The following SLC15A2 variants were observed in gnomAD, a reference collection of about 807,000 sequenced individuals.
SLC15A2 encodes the protein kidney H(+)/peptide cotransporter.
SLC15A2 carries 77 observed loss-of-function variants against 95.5 expected under a neutral mutation model. The observed-to-expected ratio is 0.81, with a 90% CI of 0.67 to 0.97. The LOEUF is 0.97. Among genes scored for constraint, SLC15A2 ranks in the 50% least tolerant of loss-of-function variants. The pLI, the probability that SLC15A2 is intolerant of heterozygous loss-of-function variation, is 0.00. For synonymous variants in SLC15A2, 306 were observed against 306.9 expected (o/e 1.00, Z 0.03); for missense variants, 893 against 874.4 (o/e 1.02, Z -0.27).
chr3:121,922,483 A>G (rs534387430), intron 8 of SLC15A2, among the ~76,000 whole-genome samples, 181 bp downstream of exon 8: 1 of 47,770 alleles, frequency 2.1e-5, no homozygotes, highest in Non-Finnish European at 5.0e-5. Context: ...CCATTAAGTT[A>G]AAAAAAGTAA....
chr3:121,929,012 A>G lies in SLC15A2; in HGVS notation c.1372A>G (p.Lys458Glu). Residue 458 changes from lysine (K) to glutamate (E), a missense_variant, in exon 16 of 22, where the codon AAA (lysine) becomes GAA (glutamate). Lys to Glu is a moderately conservative substitution (Grantham distance 56). Coordinates refer to ENST00000489711, the MANE Select transcript of SLC15A2 (RefSeq NM_021082.4). Reference sequence around the variant, plus strand: ...ACCACACTATTCCAAACTGCACCTGAAAACAAAAAGCCAGGATTTTCACTT... The same window carrying G: ...ACCACACTATTCCAAACTGCACCTGGAAACAAAAAGCCAGGATTTTCACTT... ...KTPHYSKLHL[K>E]TKSQDFHFHL... The G allele has an allele frequency of 6.2e-7, 1 of 1,614,152 alleles. No individual in the cohort carries two copies. Among genetic ancestry groups the G allele is most frequent in the Admixed American group, 1.7e-5 (1 of 60,020 alleles).
chr3:121,896,677 A>G (rs1046322839), intron 2 of SLC15A2, among the ~76,000 whole-genome samples, 184 bp downstream of exon 2: 1 of 152,058 alleles, frequency 6.6e-6, no homozygotes, highest in African/African-American at 2.4e-5. Context: ...CCTAATATGT[A>G]GGCCAAGATC....
chr3:121,934,410 C>G (rs1710296858), intron 19 of SLC15A2, among the ~76,000 whole-genome samples: 1 of 151,906 alleles, frequency 6.6e-6, no homozygotes, highest in Admixed American at 6.6e-5. Flanking sequence ...GAATGTTCTT[C>G]CATTTGTTTG....
chr3:121,906,338 G>C (rs187675339), intron 3 of SLC15A2, among the ~76,000 whole-genome samples: 6 of 152,054 alleles, frequency 3.9e-5, no homozygotes, highest in Non-Finnish European at 7.4e-5. Context: ...TCTTTTAATT[G>C]GGGCATTCAG....
intron 13 of SLC15A2, among the ~76,000 whole-genome samples, chr3:121,926,277 G>C (rs1046323714): frequency 3.9e-5 from 6 of 152,156 alleles, no homozygotes; most frequent in Admixed American, 6.5e-5. Context: ...GGGTCTGGTG[G>C]GAGGTAGTCG....
In SLC15A2 at chr3:121,941,657, C is replaced by T. The variant is rs1004309059; in HGVS notation, c.*650C>T. 2 of 152,196 alleles carry T rather than the reference C, an allele frequency of 1.3e-5. No individual in the cohort carries two copies. Among genetic ancestry groups the T allele is most frequent in the African/African-American group, 4.8e-5 (2 of 41,444 alleles). The allele number at this position is 152,196 out of a possible 1,614,324, so 9.4% of individuals were successfully genotyped here. ...TATTTTATTTACTTATCCAAACCCTCCTTTCTCAGTATGGATAGATCATGG... is the reference window on the plus strand; with the variant it reads ...TATTTTATTTACTTATCCAAACCCTTCTTTCTCAGTATGGATAGATCATGG... On this transcript the variant is annotated 3_prime_UTR_variant, in exon 22 of 22. Transcript: ENST00000489711.
intron 1 of SLC15A2, among the ~76,000 whole-genome samples, chr3:121,895,105 C>G (rs1025105585): frequency 2.0e-5 from 3 of 152,200 alleles, no homozygotes; most frequent in Non-Finnish European, 4.4e-5. Flanking sequence ...CACTTCTAAA[C>G]TCATCATCTC....
intron 3 of SLC15A2, among the ~76,000 whole-genome samples, chr3:121,909,092 G>T (rs1012339206): frequency 6.6e-6 from 1 of 151,746 alleles, no homozygotes; most frequent in Non-Finnish European, 1.5e-5. Context: ...ATGGAGTCTT[G>T]CTCTGTCTCC....
At chr3:121,931,378 T>A (rs529635139) in intron 18 of SLC15A2, among the ~76,000 whole-genome samples, 1 of 152,240 alleles carries the variant, frequency 6.6e-6, no homozygotes, top group Non-Finnish European at 1.5e-5. Context: ...GTACTTAAGT[T>A]AACAAAAGAA....
intron 19 of SLC15A2, among the ~76,000 whole-genome samples, chr3:121,936,420 G>C (rs932020417): frequency 2.0e-5 from 3 of 152,088 alleles, no homozygotes; most frequent in South Asian, 2.1e-4. Flanking sequence ...GTGGGTCACT[G>C]AGGACTTGCT....
intron 6 of SLC15A2, 81 bp from the exon 7 acceptor site, chr3:121,915,535 C>A (rs556861334): frequency 9.0e-7 from 1 of 1,117,174 alleles, no homozygotes; most frequent in Non-Finnish European, 1.4e-6. Flanking sequence ...CAGGTTTATT[C>A]AACAACCTGA....
intron 13 of SLC15A2, among the ~76,000 whole-genome samples, chr3:121,927,362 A>G (rs1882004): frequency 0.45 from 67,831 of 152,064 alleles, 15,679 homozygotes; most frequent in East Asian, 0.69. Flanking sequence ...GTGAATTCTC[A>G]TGAAGGGTTT....
intron 5 of SLC15A2, chr3:121,914,985 T>A: frequency 7.9e-7 from 1 of 1,262,642 alleles, no homozygotes; most frequent in Non-Finnish European, 1.0e-6. Flanking sequence ...GGAAGATTAT[T>A]TTTAACCTAT....
chr3:121,912,717 G>A (rs894622404), intron 4 of SLC15A2, among the ~76,000 whole-genome samples: 2 of 152,124 alleles, frequency 1.3e-5, no homozygotes, highest in Non-Finnish European at 2.9e-5. Context: ...GAACCAGTGT[G>A]TTAGCTTTGG....
chr3:121,898,594 T>C (rs1043220490), intron 3 of SLC15A2, among the ~76,000 whole-genome samples: 20 of 152,212 alleles, frequency 1.3e-4, no homozygotes, highest in Non-Finnish European at 2.4e-4. Flanking sequence ...ATAAGTTATG[T>C]GGGAAAATAA....
At chr3:121,918,998 G>A (rs1349076170) in intron 7 of SLC15A2, among the ~76,000 whole-genome samples, 1 of 152,188 alleles carries the variant, frequency 6.6e-6, no homozygotes, top group Non-Finnish European at 1.5e-5. Flanking sequence ...GGCATGTAGC[G>A]AGCAGCTTCT....
intron 7 of SLC15A2, 28 bp from the exon 8 acceptor site, chr3:121,922,192 A>G (rs753340436): frequency 1.9e-6 from 3 of 1,590,644 alleles, no homozygotes; most frequent in Non-Finnish European, 2.6e-6. Flanking sequence ...ATGAGAAGCT[A>G]AGAACCTTGT....
At chr3:121,902,106 G>C (rs774523130) in intron 3 of SLC15A2, among the ~76,000 whole-genome samples, 2 of 152,176 alleles carry the variant, frequency 1.3e-5, no homozygotes, top group African/African-American at 2.4e-5. Context: ...GCTTCCTTCA[G>C]AGCTACATAC....
At chr3:121,894,913 C>A (rs1313053016) in intron 1 of SLC15A2, among the ~76,000 whole-genome samples, 3 of 152,278 alleles carry the variant, frequency 2.0e-5, no homozygotes, top group South Asian at 2.1e-4. Context: ...TGTGATTGTT[C>A]TTTCTTTACC....
Sources: gnomAD v4.1 joint callset for allele counts (sites outside exome capture counted in the v4.1 genomes callset) on GRCh38, gnomAD v4.1.1 for gene constraint, MANE v1.5 for transcripts, NCBI Gene and HGNC (gene_info 2026-07-23, HGNC 2026-07-21) for gene names.